The following FLT3 variants were observed in gnomAD, a reference collection of about 807,000 sequenced individuals.
FLT3 encodes fms related receptor tyrosine kinase 3.
A neutral mutation model predicts 126.6 loss-of-function variants in FLT3; 46 were observed. The observed-to-expected ratio is 0.36, with a 90% CI of 0.29 to 0.46. The LOEUF is 0.46. Ranked by LOEUF, FLT3 falls within the 20% of genes least tolerant of loss-of-function variation. The probability of loss-of-function intolerance (pLI) is 1.00; values close to 1 mark genes in which losing one functional copy is unlikely to be tolerated. For missense variants in FLT3, 1,069 were observed against 1,190.3 expected (o/e 0.90, Z 1.50); for synonymous variants, 404 against 434.4 (o/e 0.93, Z 0.87).
At chr13:28,089,205 C>T (rs1438552632) in intron 1 of FLT3, among the ~76,000 whole-genome samples, 1 of 152,194 alleles carries the variant, frequency 6.6e-6, no homozygotes, top group Non-Finnish European at 1.5e-5. Context: ...GACAATACCA[C>T]ATGCTGACGA....
chr13:28,035,602 G>C lies in FLT3; in HGVS notation c.1490C>G (p.Ser497Trp), dbSNP rs762585560. ...TTCACTCATGTTTAGAGTACTGCTC[G>C]ACACCCACTGTCCAAACACTTTTCT... ...ANRKVFGQWV[S>W]SSTLNMSEAI... Residue 497 changes from serine to tryptophan, a missense_variant, in exon 12 of 24, where the codon TCG (serine) becomes TGG (tryptophan). Transcript: ENST00000241453. 1.2e-6 allele frequency: 2 copies of C among 1,614,046 alleles called. No individual in the cohort carries two copies. The highest frequency in any genetic ancestry group is 1.7e-5 in the Admixed American group (1 of 60,014).
intron 1 of FLT3, among the ~76,000 whole-genome samples, chr13:28,084,583 C>A (rs948298854): frequency 1.6e-4 from 24 of 151,816 alleles, no homozygotes; most frequent in African/African-American, 5.6e-4. Context: ...TTATTTTTTT[C>A]TAATTTTTGT....
chr13:28,004,005 G>GT lies in FLT3; in HGVS notation c.*46dup. ...ATCTTGTTTTGGTAATCTACAGCCT[G>GT]TTAGGGATAGGTGGAGGGATGAAGT... is the stretch of plus-strand genomic sequence containing the variant. On this transcript the variant is annotated 3_prime_UTR_variant, in exon 24 of 24. Coordinates refer to ENST00000241453, the MANE Select transcript of FLT3 (RefSeq NM_004119.3). 1 of 1,609,168 alleles carries GT rather than the reference G, an allele frequency of 6.2e-7. No individual in the cohort carries two copies. The highest frequency in any genetic ancestry group is 8.5e-7 in the Non-Finnish European group (1 of 1,175,634).
chr13:28,054,775 G>T (rs944376865), intron 4 of FLT3, among the ~76,000 whole-genome samples: 4 of 152,120 alleles, frequency 2.6e-5, no homozygotes, highest in African/African-American at 9.7e-5. Context: ...CTTGCCATCT[G>T]GTACTGCCTG....
At chr13:28,061,482 G>A (rs768966055) in intron 3 of FLT3, among the ~76,000 whole-genome samples, 1 of 152,094 alleles carries the variant, frequency 6.6e-6, no homozygotes. Context: ...AAAACAGGCC[G>A]AGGCCAGGCG....
chr13:28,083,358 A>T (rs1878453759), intron 1 of FLT3, among the ~76,000 whole-genome samples: 1 of 152,114 alleles, frequency 6.6e-6, no homozygotes, highest in Admixed American at 6.6e-5. Context: ...GCGGGACATC[A>T]CCTGTTATCT....
intron 15 of FLT3, among the ~76,000 whole-genome samples, chr13:28,031,223 G>A (rs765412699): frequency 4.2e-4 from 63 of 151,738 alleles, no homozygotes; most frequent in African/African-American, 1.2e-3. Context: ...GTGAGACTCC[G>A]TCTCAAAAAA....
intron 1 of FLT3, among the ~76,000 whole-genome samples, chr13:28,093,833 G>T (rs1386954967): frequency 1.4e-4 from 22 of 151,990 alleles, no homozygotes; most frequent in Admixed American, 1.3e-3. Context: ...TATACTTTGA[G>T]GGCAGGAAAC....
At chr13:28,014,379 G>T in intron 23 of FLT3, 73 bp downstream of exon 23, 1 of 1,123,160 alleles carries the variant, frequency 8.9e-7, no homozygotes, top group Non-Finnish European at 1.3e-6. Flanking sequence ...TTGGTTCACA[G>T]GAAGACAGCA....
intron 16 of FLT3, 67 bp downstream of exon 16, chr13:28,028,110 AG>A: frequency 1.3e-6 from 1 of 752,930 alleles, no homozygotes; most frequent in Non-Finnish European, 2.4e-6. Context: ...AGAGAGAGAG[AG>A]CAAACATCCT....
At position 28,081,844 on chromosome 13, in the gene FLT3, C is replaced by CTTTTT. The variant is rs35243277; in HGVS notation, c.44-11237_44-11233dup. Among the ~76,000 whole-genome samples, 68 of 64,986 alleles carry CTTTTT rather than the reference C, an allele frequency of 1.0e-3. 13 individuals are homozygous for CTTTTT. The highest frequency in any genetic ancestry group is 3.1e-3 in the African/African-American group (45 of 14,406). The allele number at this position is 64,986 out of a possible 152,430, so 42.6% of individuals were successfully genotyped here. Reference sequence around the variant, plus strand: ...TTACTTTGATTTTTTTACTTTGATTCTTTTTTTTTTTTTTTTTTTTTTTTT... The same window carrying CTTTTT: ...TTACTTTGATTTTTTTACTTTGATTCTTTTTTTTTTTTTTTTTTTTTTTTTTTTTT... On this transcript the variant is annotated intron_variant, in intron 1 of 23. Coordinates refer to ENST00000241453, the MANE Select transcript of FLT3 (RefSeq NM_004119.3).
At chr13:28,028,718 C>T (rs567675925) in intron 15 of FLT3, among the ~76,000 whole-genome samples, 4 of 151,192 alleles carry the variant, frequency 2.6e-5, no homozygotes, top group African/African-American at 4.8e-5. Flanking sequence ...AATAAATAAA[C>T]AAACAAACAA....
chr13:28,058,082 GGTGCAGT>G (rs1876175328), intron 3 of FLT3, among the ~76,000 whole-genome samples: 1 of 151,274 alleles, frequency 6.6e-6, no homozygotes, highest in South Asian at 2.1e-4. Context: ...CAGTAAGCTG[GGTGCAGT>G]GGCTCACACA....
rs190904178 is a variant in FLT3 at position 28,003,388 on chromosome 13, G to A, written c.*664C>T. ...AGGTGATGTATTACTCTTTATGGTA[G>A]AACACCTATTCATTATAAACTTCCC... On this transcript the variant is annotated 3_prime_UTR_variant, in exon 24 of 24. Transcript: ENST00000241453. The A allele has an allele frequency of 8.6e-6, 2 of 233,500 alleles. No individual in the cohort carries two copies. Among genetic ancestry groups the A allele is most frequent in the Non-Finnish European group, 1.7e-5 (2 of 118,322 alleles). 14.5% of individuals were successfully genotyped at this position (233,500 alleles called of 1,614,324 possible). A position where few individuals can be genotyped will look rare whatever the true frequency, so the allele number is the denominator to read the frequency against.
In FLT3 at chr13:28,023,607, C is replaced by T. The variant is rs368147894; in HGVS notation, c.2291-130G>A. ...ACATGAAGCTATCGCATTATCTTCC[C>T]GGCAGCATTAGAGATGACCTGTTTA... On this transcript the variant is annotated intron_variant, in intron 18 of 23. Coordinates refer to ENST00000241453, the MANE Select transcript of FLT3 (RefSeq NM_004119.3). The T allele has an allele frequency of 2.0e-4, 197 of 988,136 alleles. 1 individual carries two copies. Among genetic ancestry groups the T allele is most frequent in the East Asian group, 1.1e-3 (44 of 40,602 alleles). The allele number at this position is 988,136 out of a possible 1,614,324, so 61.2% of individuals were successfully genotyped here.
intron 2 of FLT3, among the ~76,000 whole-genome samples, chr13:28,069,388 C>A (rs1877304877): frequency 6.6e-6 from 1 of 152,026 alleles, no homozygotes; most frequent in African/African-American, 2.4e-5. Flanking sequence ...AGCCTGGGAA[C>A]TAAACAGGGG....
intron 1 of FLT3, among the ~76,000 whole-genome samples, chr13:28,095,794 T>C (rs1879413296): frequency 6.6e-6 from 1 of 152,128 alleles, no homozygotes; most frequent in African/African-American, 2.4e-5. Context: ...CCGAGTGTCA[T>C]GCAAGGATGA....
rs183673458 is a variant in FLT3 at position 28,050,238 on chromosome 13, A to C, written c.615-16T>G. ...TTCTTTACAGCTGCAATTAGAAAAG[A>C]AGTACCATTTGGCTAAACAAGTTTT... On this transcript the variant is annotated splice_polypyrimidine_tract_variant and intron_variant, in intron 5 of 23. Transcript: ENST00000241453. 13 of 1,613,396 alleles carry C rather than the reference A, an allele frequency of 8.1e-6. No homozygotes were observed. In the Admixed American group the frequency reaches 2.2e-4, roughly 27 times the overall value.
At chr13:28,025,049 C>A in intron 17 of FLT3, 106 bp from the exon 18 acceptor site, 1 of 712,316 alleles carries the variant, frequency 1.4e-6, no homozygotes, top group Non-Finnish European at 2.5e-6. Context: ...TATAAATTGA[C>A]TTTTAAATTA....
Sources: allele counts gnomAD v4.1 joint callset (sites outside exome capture counted in the v4.1 genomes callset), GRCh38; gene constraint gnomAD v4.1.1; transcripts MANE v1.5; gene names NCBI Gene and HGNC (gene_info 2026-07-23, HGNC 2026-07-21).